Variants in FMN1 observed in about 807,000 individuals in gnomAD.
FMN1 encodes the protein formin-1.
FMN1 carries 110 observed loss-of-function variants against 132.4 expected under a neutral mutation model. The ratio of observed to expected loss-of-function variants is 0.83; its 90% CI spans 0.71 to 0.97. FMN1 has a LOEUF of 0.97. Ranked by LOEUF, FMN1 falls within the 50% of genes least tolerant of loss-of-function variation. FMN1 has a pLI of 0.00. For missense variants in FMN1, 1,792 were observed against 1,705.3 expected, an observed-to-expected ratio of 1.05 and a Z score of -0.90; for synonymous variants, 722 against 651.7, an observed-to-expected ratio of 1.11 and a Z score of -1.64.
intron 6 of FMN1, among the ~76,000 whole-genome samples, chr15:33,038,614 C>T (rs908032685): frequency 5.3e-5 from 8 of 152,074 alleles, no homozygotes; most frequent in African/African-American, 1.4e-4. Context: ...GAAAACAACA[C>T]GTAAGATTTA....
chr15:33,062,759 GTTTCTTTTGCTTCATGATT>G (rs2037545473), intron 6 of FMN1: 1 of 152,110 alleles, frequency 6.6e-6, no homozygotes, highest in South Asian at 2.1e-4. Flanking sequence ...ATCATAGAAA[GTTTCTTTTGCTTCATGATT>G]TTTCTGGATA....
At chr15:33,128,624 G>A (rs928184581) in intron 4 of FMN1, among the ~76,000 whole-genome samples, 5 of 152,246 alleles carry the variant, frequency 3.3e-5, no homozygotes, top group Non-Finnish European at 5.9e-5. Flanking sequence ...TTTGCGGCAA[G>A]TGTTACAGCT....
intron 16 of FMN1, among the ~76,000 whole-genome samples, chr15:32,868,613 C>A (rs555620490): frequency 6.6e-6 from 1 of 152,136 alleles, no homozygotes; most frequent in South Asian, 2.1e-4. Context: ...TACACCGACA[C>A]GTGAAAAACA....
rs966286179 is a variant in FMN1 at position 32,784,373 on chromosome 15, CTTT to C, written c.4131-7457_4131-7455del. Among the ~76,000 whole-genome samples the C allele has an allele frequency of 4.2e-5, 6 of 143,552 alleles. No homozygotes were observed. In the South Asian group the frequency reaches 6.6e-4, roughly 16 times the overall value. The allele number at this position is 143,552 out of a possible 152,430, so 94.2% of individuals were successfully genotyped here. ...ATGTTTTTAGACAAAAAGAGGTCTG[CTTT>C]TTTTTTTTTAACAGAACTTTTTGAA... On this transcript the variant is annotated intron_variant, in intron 19 of 20. Coordinates refer to ENST00000616417, the MANE Select transcript of FMN1 (RefSeq NM_001277313.2).
At chr15:33,107,992 G>C (rs1022487868) in intron 4 of FMN1, among the ~76,000 whole-genome samples, 1 of 152,070 alleles carries the variant, frequency 6.6e-6, no homozygotes, top group African/African-American at 2.4e-5. Flanking sequence ...GTTTCAGTTT[G>C]GATGCCGTGT....
At chr15:32,986,913 A>G (rs1213282787) in intron 7 of FMN1, among the ~76,000 whole-genome samples, 1 of 152,172 alleles carries the variant, frequency 6.6e-6, no homozygotes, top group African/African-American at 2.4e-5. Flanking sequence ...ATTGGAAGGT[A>G]TGAATTTAAA....
At chr15:32,868,736 G>A (rs979544949) in intron 16 of FMN1, among the ~76,000 whole-genome samples, 4 of 151,862 alleles carry the variant, frequency 2.6e-5, no homozygotes, top group Non-Finnish European at 5.9e-5. Context: ...ATTCAGATAC[G>A]AGATACACAT....
rs184541304 is a variant in FMN1 at position 32,973,964 on chromosome 15, G to C, written c.2224-4487C>G. Among the ~76,000 whole-genome samples, 170 of 152,240 alleles carry C rather than the reference G, an allele frequency of 1.1e-3. 1 individual carries two copies. The highest frequency in any genetic ancestry group is 4.0e-3 in the African/African-American group (165 of 41,540). On this transcript the variant is annotated intron_variant, in intron 7 of 20. Coordinates refer to ENST00000616417, the MANE Select transcript of FMN1 (RefSeq NM_001277313.2). ...AATGATTTGGTGATTCTAATACAGA[G>C]TAGAACGTTCTGTTAGATAATCATG...
intron 20 of FMN1, 95 bp downstream of exon 20, chr15:32,776,740 C>T: frequency 1.2e-5 from 7 of 603,964 alleles, no homozygotes; most frequent in African/African-American, 2.0e-5. Flanking sequence ...AACTGAGAAT[C>T]TGGATACTAT....
chr15:32,928,840 G>A (rs747345232), intron 9 of FMN1, among the ~76,000 whole-genome samples: 5 of 152,140 alleles, frequency 3.3e-5, no homozygotes, highest in Non-Finnish European at 7.4e-5. Flanking sequence ...GTAATACTCT[G>A]CCTACAAGAA....
intron 16 of FMN1, among the ~76,000 whole-genome samples, chr15:32,867,976 T>C (rs2059432024): frequency 6.6e-6 from 1 of 152,236 alleles, no homozygotes. Flanking sequence ...AGCTGTTCCA[T>C]GGGTATTTGC....
intron 6 of FMN1, among the ~76,000 whole-genome samples, chr15:33,010,190 G>GA (rs1245068533): frequency 6.6e-6 from 1 of 152,144 alleles, no homozygotes. Flanking sequence ...TATGCAGAGT[G>GA]AAAGAAGTCA....
intron 6 of FMN1, among the ~76,000 whole-genome samples, chr15:33,016,827 G>A (rs12050843): frequency 6.6e-6 from 1 of 152,140 alleles, no homozygotes; most frequent in South Asian, 2.1e-4. Flanking sequence ...CGCAGGAGAT[G>A]TGAACCACAC....
intron 6 of FMN1, among the ~76,000 whole-genome samples, chr15:33,039,688 T>G (rs1351746395): frequency 6.6e-6 from 1 of 152,310 alleles, no homozygotes; most frequent in East Asian, 1.9e-4. Flanking sequence ...ACAATAGGCT[T>G]AGCAAGAAAA....
At chr15:33,002,326 T>TA (rs1419660926) in intron 7 of FMN1, among the ~76,000 whole-genome samples, 1 of 152,192 alleles carries the variant, frequency 6.6e-6, no homozygotes, top group Non-Finnish European at 1.5e-5. Context: ...AAATCACATG[T>TA]AAAGCATCAA....
At chr15:32,873,237 A>G (rs139145038) in intron 16 of FMN1, among the ~76,000 whole-genome samples, 3,754 of 152,352 alleles carry the variant, frequency 0.025, 57 homozygotes, top group Middle Eastern at 0.058. Context: ...GCCTATAAAC[A>G]AGGTTTCATA....
intron 9 of FMN1, among the ~76,000 whole-genome samples, chr15:32,949,579 TA>T (rs1307401171): frequency 2.0e-5 from 3 of 151,934 alleles, no homozygotes. Context: ...CATTTAAATG[TA>T]AAACCCAAAA....
chr15:33,184,845 T>C (rs532630277), intron 2 of FMN1, among the ~76,000 whole-genome samples: 1 of 152,326 alleles, frequency 6.6e-6, no homozygotes, highest in African/African-American at 2.4e-5. Flanking sequence ...AATCGTATCC[T>C]TAAAATTACT....
chr15:32,795,569 A>T (rs2140963505), intron 19 of FMN1, among the ~76,000 whole-genome samples: 1 of 150,196 alleles, frequency 6.7e-6, no homozygotes, highest in African/African-American at 2.5e-5. Flanking sequence ...CTGGCCCAAG[A>T]TCACATAGCC....
Sources: gnomAD v4.1 joint callset for allele counts (sites outside exome capture counted in the v4.1 genomes callset) on GRCh38, gnomAD v4.1.1 for gene constraint, MANE v1.5 for transcripts, NCBI Gene and HGNC (gene_info 2026-07-23, HGNC 2026-07-21) for gene names.